CPZ: variants seen among roughly 807,000 people sequenced by gnomAD.
The protein encoded by CPZ is carboxypeptidase Z.
A neutral mutation model predicts 61.8 loss-of-function variants in CPZ; 103 were observed. The ratio of observed to expected loss-of-function variants is 1.67; its 90% CI spans 1.42 to 1.96. The LOEUF (loss-of-function observed/expected upper bound fraction) is 1.96, where lower values mean the gene tolerates loss of function less well. Ranked by LOEUF, CPZ falls within the 30% of genes most tolerant of loss-of-function variation. The pLI, the probability that CPZ is intolerant of heterozygous loss-of-function variation, is 0.00. For missense variants in CPZ, 1,461 were observed against 914.9 expected (o/e 1.60, Z -7.70); for synonymous variants, 551 against 373.7 (o/e 1.47, Z -5.47).
chr4:8,609,167 C>CCACTCATACAT, intron 7 of CPZ, among the ~76,000 whole-genome samples: 1 of 24,338 alleles, frequency 4.1e-5, no homozygotes, highest in South Asian at 3.1e-3. Context: ...CACTCATTCA[C>CCACTCATACAT]TCACCCATTC....
At chr4:8,609,347 T>A (rs1315354473) in intron 7 of CPZ, among the ~76,000 whole-genome samples, 24 of 152,234 alleles carry the variant, frequency 1.6e-4, no homozygotes, top group Middle Eastern at 3.4e-3. Flanking sequence ...TCACTCATTC[T>A]CTCATTCATT....
chr4:8,619,512 G>A lies in CPZ; in HGVS notation c.1854G>A (p.Pro618=), dbSNP rs78537066. 5.4e-3 allele frequency: 8,570 copies of A among 1,597,946 alleles called. 410 individuals are homozygous for A. In the African/African-American group the frequency reaches 0.098, roughly 18 times the overall value. Residue 618 remains proline (P), a synonymous_variant, in exon 11 of 11, where the codon CCG becomes CCA. Transcript: ENST00000360986. ...SSLGEATEPD[P]LRARRQPSAD... The stretch of plus-strand genomic sequence containing the variant: ...TGGGGGAGGCCACGGAGCCCGACCC[G>A]CTCCGGGCGCGCAGGCAGCCCTCGG...
At chr4:8,594,402 C>T (rs1334484449) in intron 1 of CPZ, among the ~76,000 whole-genome samples, 1 of 152,354 alleles carries the variant, frequency 6.6e-6, no homozygotes, top group East Asian at 1.9e-4. Context: ...GGAAGATTCC[C>T]TGTCCTCACT....
intron 6 of CPZ, 152 bp downstream of exon 6, chr4:8,607,050 C>T: frequency 9.2e-7 from 1 of 1,091,096 alleles, no homozygotes; most frequent in South Asian, 1.6e-5. Context: ...GGGAACACCT[C>T]CTTGCTGGGG....
At chr4:8,596,723 C>T (rs895374478) in intron 1 of CPZ, among the ~76,000 whole-genome samples, 1 of 152,154 alleles carries the variant, frequency 6.6e-6, no homozygotes, top group Admixed American at 6.5e-5. Context: ...AGTCTTAGTG[C>T]CCTCATCTGT....
At position 8,607,377 on chromosome 4, in the gene CPZ, C is replaced by T. The variant is rs148685448; in HGVS notation, c.1179C>T (p.Ser393=). 6.8e-6 allele frequency: 11 copies of T among 1,613,972 alleles called. No individual in the cohort carries two copies. In the African/African-American group the frequency reaches 1.3e-4, roughly 20 times the overall value. The stretch of plus-strand genomic sequence containing the variant: ...TGGTGTCCTACCCCTTCGACTTCTC[C>T]AAGCACCCCCAGGAGGAGAAGATGT... ...DLVVSYPFDF[S]KHPQEEKMFS... Residue 393 remains serine (S), a synonymous_variant, in exon 7 of 11, where the codon TCC becomes TCT. Coordinates refer to ENST00000360986, the MANE Select transcript of CPZ (RefSeq NM_001014447.3).
chr4:8,609,260 TTCTC>T (rs995898969), intron 7 of CPZ, among the ~76,000 whole-genome samples: 2 of 151,174 alleles, frequency 1.3e-5, no homozygotes, highest in Non-Finnish European at 2.9e-5. Context: ...CACTCACTCA[TTCTC>T]TTATTCATTC....
chr4:8,609,368 CTCAT>C (rs1715448255), intron 7 of CPZ, among the ~76,000 whole-genome samples: 1 of 151,836 alleles, frequency 6.6e-6, no homozygotes, highest in Admixed American at 6.6e-5. Flanking sequence ...CACTCACAAA[CTCAT>C]TCACTCACTC....
chr4:8,600,297 C>A (rs945643510), intron 2 of CPZ, among the ~76,000 whole-genome samples: 2 of 152,100 alleles, frequency 1.3e-5, no homozygotes, highest in African/African-American at 4.8e-5. Flanking sequence ...GTGAGCAGGG[C>A]AATGTGAGGC....
intron 5 of CPZ, 112 bp from the exon 6 acceptor site, chr4:8,606,625 G>T: frequency 7.3e-7 from 1 of 1,368,696 alleles, no homozygotes; most frequent in Non-Finnish European, 1.0e-6. Flanking sequence ...ACATAAAGCC[G>T]GGGGAAACCG....
chr4:8,601,138 T>C lies in CPZ; in HGVS notation c.137T>C (p.Leu46Pro). 1 of 1,578,220 alleles carries C rather than the reference T, an allele frequency of 6.3e-7. No homozygotes were observed. Among genetic ancestry groups the C allele is most frequent in the Middle Eastern group, 1.7e-4 (1 of 5,918 alleles). The change falls in exon 3 of 11, where the codon CTG (leucine) becomes CCG (proline). Residue 46 changes from leucine to proline, a missense_variant. Physicochemically the swap from Leu to Pro is moderately conservative, Grantham distance 98 (BLOSUM62 -3). Transcript: ENST00000360986. ...PAADSATCVD[L>P]QLRTCSDAAY... ...GCCTCCCCAGCCACCTGCGTGGACC[T>C]GCAGCTCAGGACCTGCAGCGATGCC...
intron 9 of CPZ, among the ~76,000 whole-genome samples, chr4:8,614,828 G>A (rs975764784): frequency 6.6e-6 from 1 of 151,978 alleles, no homozygotes; most frequent in South Asian, 2.1e-4. Context: ...TCAGAGGCTG[G>A]GGGGGCTTCC....
chr4:8,617,009 G>A (rs1436641745), intron 9 of CPZ, among the ~76,000 whole-genome samples: 5 of 152,172 alleles, frequency 3.3e-5, no homozygotes, highest in African/African-American at 1.2e-4. Flanking sequence ...AGAGATAAGT[G>A]CTAGCATGTG....
intron 9 of CPZ, 30 bp downstream of exon 9, chr4:8,614,528 C>T (rs762678005): frequency 2.5e-6 from 4 of 1,606,076 alleles, no homozygotes; most frequent in Non-Finnish European, 2.6e-6. Flanking sequence ...GGGCTCTGGT[C>T]CAGCTGTGGC....
chr4:8,616,707 C>T (rs1340643016), intron 9 of CPZ, among the ~76,000 whole-genome samples: 1 of 152,180 alleles, frequency 6.6e-6, no homozygotes, highest in Non-Finnish European at 1.5e-5. Flanking sequence ...GGCTGAGGGG[C>T]ATGGTGGCTT....
At position 8,619,366 on chromosome 4, in the gene CPZ, C is replaced by A. The variant is rs777327579; in HGVS notation, c.1708C>A (p.Arg570=). Residue 570 remains arginine (R), a synonymous_variant, in exon 11 of 11, where the codon CGG becomes AGG. Coordinates refer to ENST00000360986, the MANE Select transcript of CPZ (RefSeq NM_001014447.3). ...KVIKKVIIPA[R]MKRAGRVDFI... ...CATCAAGAAAGTCATCATCCCCGCC[C>A]GGATGAAGAGGGCTGGCCGTGTGGA... The A allele has an allele frequency of 6.2e-7, 1 of 1,614,206 alleles. No individual in the cohort carries two copies. Among genetic ancestry groups the A allele is most frequent in the Non-Finnish European group, 8.5e-7 (1 of 1,180,034 alleles).
At chr4:8,594,032 C>T (rs1713992665) in intron 1 of CPZ, among the ~76,000 whole-genome samples, 1 of 152,166 alleles carries the variant, frequency 6.6e-6, no homozygotes, top group African/African-American at 2.4e-5. Flanking sequence ...AGGAAGCTCT[C>T]CTGACCTGCC....
In CPZ at chr4:8,606,821, G is replaced by T. The variant is rs780639349; in HGVS notation, c.991G>T (p.Glu331Ter). The T allele has an allele frequency of 6.2e-7, 1 of 1,614,080 alleles. No individual in the cohort carries two copies. The change falls in exon 6 of 11, where the codon GAG becomes TAG. Residue 331 changes from glutamate (E) to a stop codon, truncating the protein, a stop_gained. Coordinates refer to ENST00000360986, the MANE Select transcript of CPZ (RefSeq NM_001014447.3). LOFTEE classifies it high-confidence loss of function. ...LNRNFPDLTSEYYRLAETRGA... is the reference protein window; with the variant it reads ...LNRNFPDLTS ...CCGAAATTTCCCGGACCTGACGTCC[G>T]AGTACTACCGGCTGGCGGAGACCCG...
chr4:8,618,370 C>T (rs1367044379), intron 9 of CPZ, 59 bp from the exon 10 acceptor site: 1 of 1,535,662 alleles, frequency 6.5e-7, no homozygotes, highest in African/African-American at 1.4e-5. Context: ...GAGCTGACGG[C>T]CTCCACGCTC....
Sources: allele counts gnomAD v4.1 joint callset (sites outside exome capture counted in the v4.1 genomes callset), GRCh38; gene constraint gnomAD v4.1.1; transcripts MANE v1.5; gene names NCBI Gene and HGNC (gene_info 2026-07-23, HGNC 2026-07-21).